Variants in DNAH5 observed in about 807,000 individuals in gnomAD.
DNAH5 encodes the protein axonemal beta dynein heavy chain 5.
In DNAH5, 372 loss-of-function variants were observed where a neutral mutation model predicts 518.2. The observed-to-expected ratio is 0.72, with a 90% confidence interval of 0.66 to 0.78. The LOEUF is 0.78. DNAH5 is among the 30% of genes least tolerant of loss of function. The pLI is 0.00. For missense variants in DNAH5, 5,523 were observed against 5,687.0 expected, an observed-to-expected ratio of 0.97 and a Z score of 0.93; for synonymous variants, 2,039 against 2,025.9, an observed-to-expected ratio of 1.01 and a Z score of -0.17.
intron 1 of DNAH5, 62 bp downstream of exon 1, chr5:13,944,320 C>A (rs574012064): frequency 1.3e-5 from 20 of 1,554,266 alleles, no homozygotes; most frequent in Middle Eastern, 1.7e-4. Flanking sequence ...GTTTTTTCCA[C>A]CCAGGTGTGA....
At chr5:13,944,260 G>A (rs916212545) in intron 1 of DNAH5, 122 bp downstream of exon 1, 2 of 950,504 alleles carry the variant, frequency 2.1e-6, no homozygotes, top group African/African-American at 3.2e-5. Context: ...GTTAAAAAAT[G>A]TGTTTCTCGC....
chr5:13,998,247 C>G (rs35814710), intron 1 of DNAH5, among the ~76,000 whole-genome samples: 1 of 151,984 alleles, frequency 6.6e-6, no homozygotes, highest in African/African-American at 2.4e-5. Flanking sequence ...CACCTTGTTG[C>G]TGCACCTCAC....
intron 19 of DNAH5, among the ~76,000 whole-genome samples, chr5:13,884,277 A>T (rs1411807778): frequency 6.6e-6 from 1 of 152,202 alleles, no homozygotes; most frequent in East Asian, 1.9e-4. Context: ...CAATGAAAGA[A>T]TCGTTTCCAT....
rs114334341 is a variant in DNAH5 at position 13,915,494 on chromosome 5, G to A, written c.1198-852C>T. On this transcript the variant is annotated intron_variant, in intron 9 of 78. Transcript: ENST00000265104. ...TACTTGTGGGTGTCATTTACCCAGG[G>A]AATACTCTCGCAACCCTAACATATA... Among the ~76,000 whole-genome samples the A allele has an allele frequency of 5.2e-3, 789 of 152,116 alleles. 7 individuals are homozygous for A. Among genetic ancestry groups the A allele is most frequent in the African/African-American group, 0.018 (753 of 41,534 alleles).
chr5:13,944,296 C>A lies in DNAH5; in HGVS notation c.57+86G>T, dbSNP rs1779730611. The stretch of plus-strand genomic sequence containing the variant: ...AAATTCATCAGTGTGTGACTTTGAA[C>A]CTTTTTCAAGTTTGTTTTTTCCACC... On this transcript the variant is annotated intron_variant, in intron 1 of 78. Transcript: ENST00000265104. 1.9e-5 allele frequency: 26 copies of A among 1,358,114 alleles called. No homozygotes were observed. In the South Asian group the frequency reaches 2.9e-4, roughly 15 times the overall value. The allele number at this position is 1,358,114 out of a possible 1,614,324, so 84.1% of individuals were successfully genotyped here.
intron 22 of DNAH5, among the ~76,000 whole-genome samples, chr5:13,872,295 G>A (rs1770237589): frequency 6.6e-6 from 1 of 152,160 alleles, no homozygotes; most frequent in Admixed American, 6.5e-5. Flanking sequence ...ACAGAAAATA[G>A]CGAGCATCAC....
At chr5:13,850,419 T>G (rs1420328803) in intron 31 of DNAH5, among the ~76,000 whole-genome samples, 2 of 152,220 alleles carry the variant, frequency 1.3e-5, no homozygotes, top group Non-Finnish European at 2.9e-5. Context: ...GTTTATACAG[T>G]CTTATCCCAG....
chr5:13,761,088 G>C (rs1169713640), intron 60 of DNAH5, among the ~76,000 whole-genome samples: 2 of 152,320 alleles, frequency 1.3e-5, no homozygotes, highest in African/African-American at 4.8e-5. Context: ...TACTGATAGT[G>C]TTCCCTTCAC....
At chr5:13,818,467 G>A (rs1761767791) in intron 41 of DNAH5, among the ~76,000 whole-genome samples, 1 of 152,226 alleles carries the variant, frequency 6.6e-6, no homozygotes, top group African/African-American at 2.4e-5. Context: ...CATGGCGGAA[G>A]TGCCAAAGCA....
In DNAH5 at chr5:13,880,665, T is replaced by A. The variant is rs561510245; in HGVS notation, c.3262+2063A>T. Reference sequence around the variant, plus strand: ...AAGATGTTTTATGTAAGCCTCAGGGTAAACATAAAGCAAAAGGCCATAAGA... The same window carrying A: ...AAGATGTTTTATGTAAGCCTCAGGGAAAACATAAAGCAAAAGGCCATAAGA... On this transcript the variant is annotated intron_variant, in intron 21 of 78. Coordinates refer to ENST00000265104, the MANE Select transcript of DNAH5 (RefSeq NM_001369.3). Among the ~76,000 whole-genome samples, 18 of 149,964 alleles carry A rather than the reference T, an allele frequency of 1.2e-4. No individual in the cohort carries two copies. The East Asian group carries it at 3.5e-3, about 29-fold the overall frequency.
At position 13,714,387 on chromosome 5, in the gene DNAH5, A is replaced by G; in HGVS notation, c.13125+18T>C. The G allele has an allele frequency of 6.2e-7, 1 of 1,613,550 alleles. No homozygotes were observed. The highest frequency in any genetic ancestry group is 8.5e-7 in the Non-Finnish European group (1 of 1,179,462). On this transcript the variant is annotated intron_variant, in intron 75 of 78. Transcript: ENST00000265104. ...ATGCAACCCCAGCTGACATTTTGTC[A>G]GGATTTCATCAACTCACTTCAAAGG... is the stretch of plus-strand genomic sequence containing the variant.
intron 47 of DNAH5, among the ~76,000 whole-genome samples, chr5:13,806,459 G>C (rs1759608430): frequency 6.6e-6 from 1 of 152,190 alleles, no homozygotes; most frequent in Non-Finnish European, 1.5e-5. Flanking sequence ...ATTAAATTAA[G>C]TGATAAAAAG....
At chr5:13,816,215 G>T (rs144341448) in intron 42 of DNAH5, among the ~76,000 whole-genome samples, 31 of 152,322 alleles carry the variant, frequency 2.0e-4, no homozygotes, top group African/African-American at 7.5e-4. Flanking sequence ...AAACTTGACA[G>T]CAGTCATACG....
intron 7 of DNAH5, among the ~76,000 whole-genome samples, chr5:13,918,523 G>A (rs146719980): frequency 0.016 from 2,479 of 152,138 alleles, 69 homozygotes; most frequent in African/African-American, 0.057. Flanking sequence ...AGGCTGGAGC[G>A]CAGTGGCACG....
At chr5:13,695,437 G>A (rs1239259466) in intron 78 of DNAH5, among the ~76,000 whole-genome samples, 1 of 152,184 alleles carries the variant, frequency 6.6e-6, no homozygotes, top group African/African-American at 2.4e-5. Flanking sequence ...ATTCAAGGGA[G>A]CTGTCCTCAT....
At chr5:13,809,474 AGAGT>A (rs1760243759) in intron 45 of DNAH5, among the ~76,000 whole-genome samples, 1 of 152,272 alleles carries the variant, frequency 6.6e-6, no homozygotes, top group Non-Finnish European at 1.5e-5. Flanking sequence ...AATACAGAAC[AGAGT>A]GAGAGTAGTG....
At chr5:13,817,819 T>G (rs374869182) in intron 41 of DNAH5, 125 bp from the exon 42 acceptor site, 1 of 822,378 alleles carries the variant, frequency 1.2e-6, no homozygotes, top group East Asian at 2.6e-5. Context: ...CAGAACTACA[T>G]TGAAAATATG....
intron 26 of DNAH5, 39 bp downstream of exon 26, chr5:13,866,181 T>C (rs1769215952): frequency 6.3e-7 from 1 of 1,589,322 alleles, no homozygotes; most frequent in Non-Finnish European, 8.6e-7. Context: ...CACAACAAAG[T>C]TTCATTGTTT....
intron 12 of DNAH5, among the ~76,000 whole-genome samples, chr5:13,907,470 G>A (rs1184828636): frequency 1.3e-5 from 2 of 152,112 alleles, no homozygotes; most frequent in Non-Finnish European, 2.9e-5. Flanking sequence ...AGAGAAGGGG[G>A]AATATGGTAA....
Sources: gnomAD v4.1 joint callset for allele counts (sites outside exome capture counted in the v4.1 genomes callset) on GRCh38, gnomAD v4.1.1 for gene constraint, MANE v1.5 for transcripts, NCBI Gene and HGNC (gene_info 2026-07-23, HGNC 2026-07-21) for gene names.